The following ZNF782 variants were observed in gnomAD, a reference collection of about 807,000 sequenced individuals.
ZNF782 encodes the protein zinc finger protein 782.
A neutral mutation model predicts 13.0 loss-of-function variants in ZNF782; 12 were observed. The ratio of observed to expected loss-of-function variants is 0.92; its 90% CI spans 0.59 to 1.50. The LOEUF is 1.50. Among genes scored for constraint, ZNF782 ranks in the 40% most tolerant of loss-of-function variants. The pLI is 0.00. For synonymous variants in ZNF782, 284 were observed against 283.0 expected (o/e 1.00, Z -0.04); for missense variants, 770 against 822.9 (o/e 0.94, Z 0.79).
chr9:96,911,386 C>A, the ZNF782 span, among the ~76,000 whole-genome samples: 2 of 131,410 alleles, frequency 1.5e-5, no homozygotes, highest in Admixed American at 1.5e-4. Flanking sequence ...TTGCAGTGAG[C>A]CGAGATCGCG....
At chr9:96,883,509 G>C in the ZNF782 span, among the ~76,000 whole-genome samples, 1 of 152,082 alleles carries the variant, frequency 6.6e-6, no homozygotes, top group African/African-American at 2.4e-5. Context: ...AGGTGACAGA[G>C]AGAGAAGGTT....
chr9:96,865,883 G>A (rs913199467), intron 1 of ZNF782, among the ~76,000 whole-genome samples: 7 of 152,052 alleles, frequency 4.6e-5, no homozygotes, highest in South Asian at 2.1e-4. Flanking sequence ...CAGTATTTTC[G>A]CCCCACCCTA....
chr9:96,863,448 G>A (rs12236179), intron 1 of ZNF782, among the ~76,000 whole-genome samples: 25,982 of 152,024 alleles, frequency 0.17, 5,378 homozygotes, highest in African/African-American at 0.48. Context: ...TATGGAAAAC[G>A]GTGTGGGGAT....
At chr9:96,856,414 A>G (rs1851643068), upstream of ZNF782, among the ~76,000 whole-genome samples, 1 of 152,262 alleles carries the variant, frequency 6.6e-6, no homozygotes, top group African/African-American at 2.4e-5. Flanking sequence ...AAATGTTTTC[A>G]AAAACAAATG....
chr9:96,912,521 CTTCT>C, the ZNF782 span, among the ~76,000 whole-genome samples: 2 of 147,240 alleles, frequency 1.4e-5, no homozygotes, highest in South Asian at 4.4e-4. Flanking sequence ...AGATAAAAGG[CTTCT>C]TTTTTTTCCT....
intron 5 of ZNF782, among the ~76,000 whole-genome samples, chr9:96,825,354 T>G (rs1162599423): frequency 6.6e-6 from 1 of 150,704 alleles, no homozygotes; most frequent in Non-Finnish European, 1.5e-5. Flanking sequence ...GCTAGCCATA[T>G]GTAGAAAGCT....
the ZNF782 span, among the ~76,000 whole-genome samples, chr9:96,930,872 G>GTTTTTTTTTTTTT: frequency 3.0e-4 from 22 of 72,722 alleles, 6 homozygotes; most frequent in East Asian, 9.5e-4. Context: ...CCATCCAGTG[G>GTTTTTTTTTTTTT]TTTTTTTTTT....
chr9:96,868,739 A>T (rs543226632), intron 1 of ZNF782, among the ~76,000 whole-genome samples: 4 of 152,134 alleles, frequency 2.6e-5, no homozygotes, highest in Admixed American at 6.5e-5. Context: ...TGTTTCTTTC[A>T]TCGATAGGGT....
chr9:96,869,351 T>C (rs1851798010), intron 1 of ZNF782, among the ~76,000 whole-genome samples: 1 of 152,232 alleles, frequency 6.6e-6, no homozygotes, highest in African/African-American at 2.4e-5. Context: ...TAATCATACA[T>C]AAGTGATTTC....
intron 3 of ZNF782, among the ~76,000 whole-genome samples, chr9:96,847,086 GA>G (rs1464576745): frequency 6.6e-6 from 1 of 152,144 alleles, no homozygotes; most frequent in Admixed American, 6.5e-5. Flanking sequence ...GCTCCTGAAT[GA>G]TTTCTGGGTT....
At chr9:96,912,991 T>C in the ZNF782 span, among the ~76,000 whole-genome samples, 1 of 151,824 alleles carries the variant, frequency 6.6e-6, no homozygotes, top group Non-Finnish European at 1.5e-5. Flanking sequence ...CAAGTAGGCT[T>C]TCAAAAATAT....
At chr9:96,895,502 G>A in the ZNF782 span, 2 of 152,212 alleles carry the variant, frequency 1.3e-5, no homozygotes, top group Non-Finnish European at 2.9e-5. Context: ...TGAGGAGGCT[G>A]TGTCCCCACT....
At chr9:96,895,112 T>G in the ZNF782 span, 1 of 152,196 alleles carries the variant, frequency 6.6e-6, no homozygotes. Context: ...CTCTTCTGTA[T>G]AGGTCAGAAA....
At chr9:96,926,201 TTGAC>T in the ZNF782 span, among the ~76,000 whole-genome samples, 14 of 141,464 alleles carry the variant, frequency 9.9e-5, no homozygotes, top group South Asian at 2.4e-4. Flanking sequence ...TGAGAAAGCA[TTGAC>T]TGACTAACTT....
chr9:96,916,025 A>G, the ZNF782 span, among the ~76,000 whole-genome samples: 2 of 151,678 alleles, frequency 1.3e-5, no homozygotes, highest in African/African-American at 4.8e-5. Context: ...AAACAGGAGA[A>G]TCAGACTTAG....
intron 4 of ZNF782, among the ~76,000 whole-genome samples, chr9:96,836,381 T>C (rs1397692000): frequency 6.6e-6 from 1 of 152,116 alleles, no homozygotes; most frequent in Admixed American, 6.5e-5. Context: ...GGCTAATTTT[T>C]GTATTTTTAG....
upstream of ZNF782, chr9:96,875,672 C>A (rs1240851275): frequency 1.1e-5 from 5 of 450,458 alleles, no homozygotes; most frequent in East Asian, 3.5e-4. Flanking sequence ...TCCCCGGGAC[C>A]TCTAGCGTGA....
At chr9:96,910,183 C>T in the ZNF782 span, 136 of 830,894 alleles carry the variant, frequency 1.6e-4, no homozygotes, top group East Asian at 1.4e-3. Context: ...CCCCTGCTAA[C>T]GGGAATGCTA....
the ZNF782 span, among the ~76,000 whole-genome samples, chr9:96,915,459 A>G: frequency 1.3e-5 from 2 of 150,182 alleles, no homozygotes; most frequent in Non-Finnish European, 2.9e-5. Flanking sequence ...CGGGCAGATC[A>G]CCTGAGGTCA....
Sources: gnomAD v4.1 joint callset for allele counts (sites outside exome capture counted in the v4.1 genomes callset) on GRCh38, gnomAD v4.1.1 for gene constraint, MANE v1.5 for transcripts, NCBI Gene and HGNC (gene_info 2026-07-23, HGNC 2026-07-21) for gene names.